GABRR1: variants seen among roughly 807,000 people sequenced by gnomAD.
The protein encoded by GABRR1 is gamma-aminobutyric acid type A receptor subunit rho1, also known as gamma-aminobutyric acid receptor subunit rho-1.
GABRR1 carries 59 observed loss-of-function variants against 55.5 expected under a neutral mutation model. The ratio of observed to expected loss-of-function variants is 1.06; its 90% CI spans 0.86 to 1.32. The LOEUF (loss-of-function observed/expected upper bound fraction) is 1.32. GABRR1 is among the 40% of genes most tolerant of loss of function. GABRR1 has a pLI of 0.00. For missense variants in GABRR1, 602 were observed against 619.1 expected, an observed-to-expected ratio of 0.97 and a Z score of 0.29; for synonymous variants, 213 against 226.0, an observed-to-expected ratio of 0.94 and a Z score of 0.51.
rs146723004 is a variant in GABRR1 at position 89,213,231 on chromosome 6, C to A, written c.122+3970G>T. 1.6e-3 allele frequency among the ~76,000 whole-genome samples: 249 copies of A among 152,290 alleles called. 2 individuals are homozygous for A. Among genetic ancestry groups the A allele is most frequent in the African/African-American group, 5.1e-3 (211 of 41,550 alleles). On this transcript the variant is annotated intron_variant, in intron 1 of 9. Coordinates refer to ENST00000454853, the MANE Select transcript of GABRR1 (RefSeq NM_002042.5). ...CACCCTAGGCACCTCACTAGATTCACCCCCTGGTGTGCCCATGTTTACCTA... is the reference window on the plus strand; with the variant it reads ...CACCCTAGGCACCTCACTAGATTCAACCCCTGGTGTGCCCATGTTTACCTA...
upstream of GABRR1, among the ~76,000 whole-genome samples, chr6:89,218,316 G>T (rs549564433): frequency 1.3e-5 from 2 of 152,204 alleles, no homozygotes; most frequent in South Asian, 4.1e-4. Flanking sequence ...AATAGAATGA[G>T]AATTAATTAC....
At chr6:89,196,276 AC>A (rs570988335) in intron 5 of GABRR1, among the ~76,000 whole-genome samples, 170 of 152,350 alleles carry the variant, frequency 1.1e-3, no homozygotes, top group African/African-American at 4.0e-3. Flanking sequence ...AGAGCATTAT[AC>A]GTCCTTTATG....
chr6:89,209,532 G>C (rs1562310501), intron 1 of GABRR1, among the ~76,000 whole-genome samples: 1 of 152,166 alleles, frequency 6.6e-6, no homozygotes, highest in Non-Finnish European at 1.5e-5. Context: ...ATGCATTTCA[G>C]AATGTGAAAT....
chr6:89,224,182 GA>G (rs1773160350), intron 1 of GABRR1, among the ~76,000 whole-genome samples: 1 of 152,028 alleles, frequency 6.6e-6, no homozygotes, highest in Admixed American at 6.5e-5. Flanking sequence ...TCCACCTCCT[GA>G]GTTCAAGCGA....
At chr6:89,187,453 T>C (rs1195451796) in intron 6 of GABRR1, among the ~76,000 whole-genome samples, 3 of 152,238 alleles carry the variant, frequency 2.0e-5, no homozygotes, top group Non-Finnish European at 4.4e-5. Flanking sequence ...TTTACTCTGT[T>C]GATAATGTTT....
At chr6:89,202,554 A>G (rs959095515) in intron 2 of GABRR1, among the ~76,000 whole-genome samples, 2 of 151,808 alleles carry the variant, frequency 1.3e-5, no homozygotes, top group Non-Finnish European at 2.9e-5. Flanking sequence ...CAGCCTCCCA[A>G]AGTGCTGGAA....
intron 7 of GABRR1, among the ~76,000 whole-genome samples, chr6:89,184,979 G>A (rs1038140754): frequency 3.3e-5 from 5 of 150,008 alleles, no homozygotes; most frequent in African/African-American, 1.2e-4. Context: ...TCCGACTCCA[G>A]GGCTCAAGGG....
At chr6:89,225,812 T>C (rs374896897) in intron 1 of GABRR1, among the ~76,000 whole-genome samples, 4 of 127,820 alleles carry the variant, frequency 3.1e-5, no homozygotes, top group East Asian at 2.0e-4. Flanking sequence ...ATGGTATTTC[T>C]AGTTCTAGAT....
In GABRR1 at chr6:89,201,196, T is replaced by C; in HGVS notation, c.243A>G (p.Ile81Met). 6.2e-7 allele frequency: 1 copy of C among 1,614,188 alleles called. No individual in the cohort carries two copies. ...GCCTCATGCTGAAATCATGGTCATC[T>C]ATCCTCAGAAGCTGTTCTGACTTTG... is the stretch of plus-strand genomic sequence containing the variant. ...PLTKSEQLLR[I>M]DDHDFSMRPG... The change falls in exon 3 of 10, where the codon ATA becomes ATG. Residue 81 changes from isoleucine to methionine, a missense_variant. Physicochemically the swap from Ile to Met is conservative, Grantham distance 10 (BLOSUM62 1). This residue lies in a region of GABRR1 where 435 missense variants were observed against 424.2 expected (regional missense o/e 1.03). Coordinates refer to ENST00000454853, the MANE Select transcript of GABRR1 (RefSeq NM_002042.5).
upstream of GABRR1, among the ~76,000 whole-genome samples, chr6:89,221,900 C>T (rs1033373713): frequency 5.3e-5 from 8 of 152,160 alleles, no homozygotes; most frequent in East Asian, 1.9e-4. Context: ...CTGCTGTAAT[C>T]GAGCCATGGA....
chr6:89,195,519 C>T (rs529876601), intron 5 of GABRR1, among the ~76,000 whole-genome samples: 27 of 151,072 alleles, frequency 1.8e-4, no homozygotes, highest in Admixed American at 6.6e-4. Context: ...GAAACCATGC[C>T]GACCAGGAGG....
intron 5 of GABRR1, among the ~76,000 whole-genome samples, chr6:89,194,287 C>T (rs1486842189): frequency 2.0e-5 from 3 of 152,168 alleles, no homozygotes; most frequent in Non-Finnish European, 4.4e-5. Flanking sequence ...CCCTTCAGGA[C>T]CTCCCCCATT....
At chr6:89,212,035 C>CTCCTCTTCACCTTCAGAATAAATG (rs1562312625) in intron 1 of GABRR1, 9 of 263,430 alleles carry the variant, frequency 3.4e-5, no homozygotes, top group Admixed American at 2.6e-4. Context: ...TTCCTGCTGA[C>CTCCTCTTCACCTTCAGAATAAATG]TGGACAGCTG....
At chr6:89,194,556 T>C (rs887939959) in intron 5 of GABRR1, among the ~76,000 whole-genome samples, 1 of 152,116 alleles carries the variant, frequency 6.6e-6, no homozygotes, top group African/African-American at 2.4e-5. Flanking sequence ...AACAAGACCA[T>C]GATTTGTAAT....
chr6:89,221,670 A>G (rs1286086196), upstream of GABRR1, among the ~76,000 whole-genome samples: 1 of 152,156 alleles, frequency 6.6e-6, no homozygotes, highest in African/African-American at 2.4e-5. Context: ...TCCCCTTGGT[A>G]CCGAGGGATG....
chr6:89,182,913 AT>A (rs1332215983), intron 7 of GABRR1, among the ~76,000 whole-genome samples: 1 of 152,020 alleles, frequency 6.6e-6, no homozygotes, highest in Non-Finnish European at 1.5e-5. Context: ...TATATATGTA[AT>A]TTGTTCATAG....
At chr6:89,203,225 C>T (rs1336706106) in intron 2 of GABRR1, among the ~76,000 whole-genome samples, 5 of 152,152 alleles carry the variant, frequency 3.3e-5, no homozygotes, top group African/African-American at 7.2e-5. Flanking sequence ...CTCCCATTGC[C>T]GCGGACATCC....
chr6:89,203,965 C>T lies in GABRR1; in HGVS notation c.123-480G>A, dbSNP rs76018867. 3.7e-3 allele frequency among the ~76,000 whole-genome samples: 568 copies of T among 152,364 alleles called. 4 individuals are homozygous for T. In the East Asian group the frequency reaches 0.052, roughly 14 times the overall value. ...AGGAAGAAAGAGGTCAGGGTATTTA[C>T]TCCTCATTCTCTCCCGGCTTTGATG... On this transcript the variant is annotated intron_variant, in intron 1 of 9. Coordinates refer to ENST00000454853, the MANE Select transcript of GABRR1 (RefSeq NM_002042.5).
intron 1 of GABRR1, chr6:89,204,758 G>A (rs1556432): frequency 0.96 from 782,834 of 812,668 alleles, 377,270 homozygotes; most frequent in East Asian, 0.97. Context: ...AATATTATTA[G>A]ATAACTTTTT....
Sources: allele counts gnomAD v4.1 joint callset (sites outside exome capture counted in the v4.1 genomes callset), GRCh38; gene constraint gnomAD v4.1.1; regional missense constraint gnomAD v4.1.1; transcripts MANE v1.5; gene names NCBI Gene and HGNC (gene_info 2026-07-23, HGNC 2026-07-21).